The following FRMPD1 variants were observed in gnomAD, a reference collection of about 807,000 sequenced individuals.
The protein encoded by FRMPD1 is FERM and PDZ domain-containing protein 1.
Under a neutral mutation model 117.8 loss-of-function variants are expected in FRMPD1, and 76 were observed. That is an observed-to-expected ratio of 0.65 (90% confidence interval 0.54 to 0.78). FRMPD1 has a LOEUF of 0.78. FRMPD1 is among the 30% of genes least tolerant of loss of function. The probability of loss-of-function intolerance (pLI) is 0.00; values close to 1 mark genes in which losing one functional copy is unlikely to be tolerated. For synonymous variants in FRMPD1, 783 were observed against 770.4 expected (o/e 1.02, Z -0.27); for missense variants, 1,786 against 1,964.5 (o/e 0.91, Z 1.72).
intron 2 of FRMPD1, among the ~76,000 whole-genome samples, chr9:37,697,533 C>T (rs560123526): frequency 8.8e-4 from 133 of 151,854 alleles, no homozygotes; most frequent in Non-Finnish European, 1.4e-3. Flanking sequence ...CGCCACTGCA[C>T]TCCAGCCTGG....
the FRMPD1 span, among the ~76,000 whole-genome samples, chr9:37,642,024 G>A: frequency 2.6e-5 from 4 of 152,170 alleles, no homozygotes; most frequent in African/African-American, 9.7e-5. Context: ...CAGGCCCTTT[G>A]CTCTTTAAAA....
chr9:37,610,513 T>G, the FRMPD1 span, among the ~76,000 whole-genome samples: 3 of 152,144 alleles, frequency 2.0e-5, no homozygotes, highest in South Asian at 4.2e-4. Context: ...CTGTTTACAC[T>G]GTCCTATATC....
intron 1 of FRMPD1, among the ~76,000 whole-genome samples, chr9:37,665,161 A>T (rs998381631): frequency 6.6e-6 from 1 of 152,232 alleles, no homozygotes; most frequent in African/African-American, 2.4e-5. Context: ...TCAGTTTAGA[A>T]ACCAGCATAT....
the FRMPD1 span, among the ~76,000 whole-genome samples, chr9:37,604,119 G>A: frequency 6.6e-6 from 1 of 152,180 alleles, no homozygotes; most frequent in East Asian, 1.9e-4. Flanking sequence ...TGTTAAGTGT[G>A]CGAATTAAAA....
chr9:37,619,760 A>G, the FRMPD1 span, among the ~76,000 whole-genome samples: 9 of 140,764 alleles, frequency 6.4e-5, no homozygotes, highest in South Asian at 4.5e-4. Context: ...TCCAGCTCAG[A>G]AAAAAAAAAA....
At chr9:37,638,664 T>C in the FRMPD1 span, among the ~76,000 whole-genome samples, 2 of 152,210 alleles carry the variant, frequency 1.3e-5, no homozygotes, top group African/African-American at 4.8e-5. Flanking sequence ...TCCTTTACTC[T>C]TCAAAGTTGA....
chr9:37,649,976 C>T (rs1204499788), upstream of FRMPD1, among the ~76,000 whole-genome samples: 1 of 152,180 alleles, frequency 6.6e-6, no homozygotes, highest in Non-Finnish European at 1.5e-5. Context: ...CCATTTAGAG[C>T]ATGCCCTCTC....
At chr9:37,726,646 C>T (rs971305174) in intron 7 of FRMPD1, among the ~76,000 whole-genome samples, 23 of 151,832 alleles carry the variant, frequency 1.5e-4, no homozygotes, top group African/African-American at 4.1e-4. Flanking sequence ...TGCAGTGAGC[C>T]GAGACCATGC....
intron 15 of FRMPD1, among the ~76,000 whole-genome samples, chr9:37,744,155 A>G (rs1237677382): frequency 2.0e-5 from 3 of 152,052 alleles, no homozygotes; most frequent in African/African-American, 7.2e-5. Flanking sequence ...ACGCCACTGC[A>G]CTCCAGCCTG....
chr9:37,644,750 C>T, the FRMPD1 span, among the ~76,000 whole-genome samples: 1 of 152,084 alleles, frequency 6.6e-6, no homozygotes, highest in Non-Finnish European at 1.5e-5. Context: ...GCCTCAGTTT[C>T]ATCTGTGAAG....
At chr9:37,628,882 T>C in the FRMPD1 span, among the ~76,000 whole-genome samples, 1 of 152,206 alleles carries the variant, frequency 6.6e-6, no homozygotes, top group South Asian at 2.1e-4. Context: ...AACATCACCA[T>C]TATCTAGGAA....
At chr9:37,616,698 A>G in the FRMPD1 span, among the ~76,000 whole-genome samples, 4 of 152,194 alleles carry the variant, frequency 2.6e-5, no homozygotes, top group African/African-American at 9.6e-5. Context: ...CATGATTGAA[A>G]AATCTAGTAT....
chr9:37,745,220 A>T lies in FRMPD1; in HGVS notation c.3188A>T (p.His1063Leu). 1.2e-6 allele frequency: 2 copies of T among 1,613,132 alleles called. No individual in the cohort carries two copies. Among genetic ancestry groups the T allele is most frequent in the Non-Finnish European group, 1.7e-6 (2 of 1,179,148 alleles). The change falls in exon 16 of 16, where the codon CAT (histidine) becomes CTT (leucine). Residue 1063 changes from histidine to leucine, a missense_variant. His to Leu is a moderately conservative substitution (Grantham distance 99, BLOSUM62 -3). Transcript: ENST00000377765. ...GGATTGGAATCTTTTTGTACAAATC[A>T]TATACAAGAAACTGCCCCCAAATAC... is the stretch of plus-strand genomic sequence containing the variant. ...EMGLESFCTN[H>L]IQETAPKYTE...
At chr9:37,742,556 C>T (rs900330326) in intron 15 of FRMPD1, among the ~76,000 whole-genome samples, 2 of 152,142 alleles carry the variant, frequency 1.3e-5, no homozygotes, top group African/African-American at 4.8e-5. Flanking sequence ...TAGCCTAGGG[C>T]AGTCAAATGT....
intron 2 of FRMPD1, among the ~76,000 whole-genome samples, chr9:37,694,430 C>T (rs1360515996): frequency 3.9e-5 from 6 of 152,224 alleles, no homozygotes; most frequent in African/African-American, 1.4e-4. Context: ...TGAAAGGTGA[C>T]AACCATCACT....
chr9:37,740,454 C>T lies in FRMPD1; in HGVS notation c.1926C>T (p.Asp642=), dbSNP rs1286735867. 8 of 1,614,222 alleles carry T rather than the reference C, an allele frequency of 5.0e-6. No individual in the cohort carries two copies. The highest frequency in any genetic ancestry group is 6.8e-6 in the Non-Finnish European group (8 of 1,180,026). Residue 642 remains aspartate, a synonymous_variant, in exon 15 of 16, where the codon GAC becomes GAT. Coordinates refer to ENST00000377765, the MANE Select transcript of FRMPD1 (RefSeq NM_014907.3). The surrounding 1 kb of genome is among the most constrained non-coding windows in gnomAD (Gnocchi z 4.2). Reference sequence around the variant, plus strand: ...GCCTCGCAGAGAGCATTGACTCTGACAGCCAGGAGGAGAGAAGCGGGATTG... The same window carrying T: ...GCCTCGCAGAGAGCATTGACTCTGATAGCCAGGAGGAGAGAAGCGGGATTG... ...SPGLAESIDS[D]SQEERSGIET... is the part of the protein sequence containing the mutation.
At chr9:37,647,085 G>C (rs531984815), upstream of FRMPD1, among the ~76,000 whole-genome samples, 12 of 152,062 alleles carry the variant, frequency 7.9e-5, no homozygotes, top group Non-Finnish European at 1.6e-4. Context: ...GACTCAGAGA[G>C]GGACAAGGCA....
At chr9:37,672,739 C>T (rs1244731460) in intron 1 of FRMPD1, among the ~76,000 whole-genome samples, 1 of 152,034 alleles carries the variant, frequency 6.6e-6, no homozygotes, top group Non-Finnish European at 1.5e-5. Context: ...GTTCCACAGG[C>T]TGGGGAGGCC....
intron 1 of FRMPD1, among the ~76,000 whole-genome samples, chr9:37,684,123 A>G (rs112744354): frequency 6.7e-6 from 1 of 149,280 alleles, no homozygotes; most frequent in African/African-American, 2.5e-5. Flanking sequence ...GGGGGAGATG[A>G]AGTTGGCGGG....
Sources: allele counts gnomAD v4.1 joint callset (sites outside exome capture counted in the v4.1 genomes callset), GRCh38; gene constraint gnomAD v4.1.1; non-coding constraint Gnocchi (gnomAD v3.1); transcripts MANE v1.5; gene names NCBI Gene and HGNC (gene_info 2026-07-23, HGNC 2026-07-21).